Variants in MACROD2 observed in about 807,000 individuals in gnomAD.
The protein encoded by MACROD2 is ADP-ribose glycohydrolase MACROD2.
In MACROD2, 36 loss-of-function variants were observed where a neutral mutation model predicts 70.4. That is an observed-to-expected ratio of 0.51 (90% CI 0.39 to 0.68). The LOEUF is 0.68. Ranked by LOEUF, MACROD2 falls within the 30% of genes least tolerant of loss-of-function variation. The probability of loss-of-function intolerance (pLI) is 0.00; values close to 1 mark genes in which losing one functional copy is unlikely to be tolerated. For missense variants in MACROD2, 496 were observed against 538.4 expected (o/e 0.92, Z 0.78); for synonymous variants, 172 against 178.8 (o/e 0.96, Z 0.30).
intron 5 of MACROD2, among the ~76,000 whole-genome samples, chr20:14,994,394 A>T (rs1431619201): frequency 6.6e-6 from 1 of 151,626 alleles, no homozygotes; most frequent in Non-Finnish European, 1.5e-5. Context: ...AACGTTCTTG[A>T]TCTCTCTTCC....
intron 5 of MACROD2, among the ~76,000 whole-genome samples, chr20:14,945,918 A>G (rs2074427831): frequency 6.6e-6 from 1 of 152,204 alleles, no homozygotes; most frequent in Non-Finnish European, 1.5e-5. Flanking sequence ...AGAATTTCAT[A>G]TAATGCAGGC....
chr20:14,503,480 C>T (rs1455913121), intron 4 of MACROD2, among the ~76,000 whole-genome samples: 2 of 152,094 alleles, frequency 1.3e-5, no homozygotes, highest in African/African-American at 4.8e-5. Flanking sequence ...GAGAGTGGGG[C>T]TGAATGGAGC....
intron 8 of MACROD2, among the ~76,000 whole-genome samples, chr20:15,568,384 G>A (rs1233823961): frequency 6.6e-6 from 1 of 152,124 alleles, no homozygotes; most frequent in Non-Finnish European, 1.5e-5. Context: ...ACAAACTCAC[G>A]TGGAATGTTC....
intron 8 of MACROD2, among the ~76,000 whole-genome samples, chr20:15,658,173 C>T (rs1285381554): frequency 6.6e-6 from 1 of 150,418 alleles, no homozygotes; most frequent in Non-Finnish European, 1.5e-5. Flanking sequence ...CTTGAAAACG[C>T]TTTTTTAAAA....
intron 8 of MACROD2, among the ~76,000 whole-genome samples, chr20:15,791,666 T>C (rs1180623134): frequency 2.6e-5 from 4 of 151,924 alleles, no homozygotes; most frequent in African/African-American, 9.7e-5. Flanking sequence ...ATGGGAGAAA[T>C]AATCCATTTA....
chr20:15,893,998 G>A (rs1244858721), intron 10 of MACROD2: 1 of 449,190 alleles, frequency 2.2e-6, no homozygotes, highest in Non-Finnish European at 4.5e-6. Context: ...GGGCTCTAGG[G>A]TCTCGCTTTC....
At chr20:14,640,756 A>G (rs1985045810) in intron 4 of MACROD2, among the ~76,000 whole-genome samples, 1 of 152,250 alleles carries the variant, frequency 6.6e-6, no homozygotes, top group African/African-American at 2.4e-5. Context: ...TAATAGCATT[A>G]TGTCTAGAAA....
At chr20:14,701,345 A>G (rs2071194113) in intron 5 of MACROD2, among the ~76,000 whole-genome samples, 1 of 152,174 alleles carries the variant, frequency 6.6e-6, no homozygotes, top group Non-Finnish European at 1.5e-5. Context: ...CTAAACTGAA[A>G]GCTTTTGAAA....
chr20:14,474,191 G>A (rs1317093796), intron 3 of MACROD2, among the ~76,000 whole-genome samples: 1 of 151,706 alleles, frequency 6.6e-6, no homozygotes, highest in Non-Finnish European at 1.5e-5. Context: ...AATCCAATTT[G>A]TCTGTTTTTA....
chr20:15,636,044 C>G (rs2049358849), intron 8 of MACROD2, among the ~76,000 whole-genome samples: 2 of 121,542 alleles, frequency 1.6e-5, no homozygotes, highest in South Asian at 5.7e-4. Flanking sequence ...CTCCATCCAG[C>G]CTGGGCGACA....
intron 2 of MACROD2, among the ~76,000 whole-genome samples, chr20:14,079,323 A>G (rs1278002916): frequency 6.6e-6 from 1 of 152,238 alleles, no homozygotes; most frequent in Non-Finnish European, 1.5e-5. Context: ...TTCTGCAGCT[A>G]GTAGAGAAGC....
intron 5 of MACROD2, among the ~76,000 whole-genome samples, chr20:15,060,124 T>G (rs1298145884): frequency 1.3e-5 from 2 of 152,214 alleles, no homozygotes; most frequent in African/African-American, 2.4e-5. Flanking sequence ...GGAAGGAGAT[T>G]GCTAGCCTTG....
In MACROD2 at chr20:15,737,968, G is replaced by C. The variant is rs183774102; in HGVS notation, c.646-124777G>C. ...AAACAAAACACAGGTAGACAGACAG[G>C]TAAATATATAGATTAAAAGAGAGCT... On this transcript the variant is annotated intron_variant, in intron 8 of 17. Coordinates refer to ENST00000684519, the MANE Select transcript of MACROD2 (RefSeq NM_001351661.2). Among the ~76,000 whole-genome samples the C allele has an allele frequency of 2.2e-3, 339 of 152,168 alleles. 1 individual carries two copies. Among genetic ancestry groups the C allele is most frequent in the African/African-American group, 7.5e-3 (313 of 41,512 alleles).
chr20:14,900,989 A>G (rs1023409423), intron 5 of MACROD2, among the ~76,000 whole-genome samples: 1 of 152,114 alleles, frequency 6.6e-6, no homozygotes, highest in African/African-American at 2.4e-5. Flanking sequence ...TCAATGTAAT[A>G]GCAACTATTT....
At position 16,050,182 on chromosome 20, in the gene MACROD2, A is replaced by AAC. The variant is rs1182786523; in HGVS notation, c.*309_*310dup. Reference sequence around the variant, plus strand: ...CCCCAGGGTCACAGTGGCTTGATTGAACACTCACATGTGTATCCTGGCCCC... The same window carrying AAC: ...CCCCAGGGTCACAGTGGCTTGATTGAACACACTCACATGTGTATCCTGGCCCC... On this transcript the variant is annotated 3_prime_UTR_variant, in exon 18 of 18. Transcript: ENST00000684519. The AAC allele has an allele frequency of 3.7e-6, 1 of 271,482 alleles. No homozygotes were observed. The highest frequency in any genetic ancestry group is 7.1e-6 in the Non-Finnish European group (1 of 139,920). The allele number at this position is 271,482 out of a possible 1,614,324, so 16.8% of individuals were successfully genotyped here. A position where few individuals can be genotyped will look rare whatever the true frequency, so the allele number is the denominator to read the frequency against.
chr20:15,421,217 A>C (rs570583450), intron 6 of MACROD2, among the ~76,000 whole-genome samples: 35 of 152,180 alleles, frequency 2.3e-4, no homozygotes, highest in African/African-American at 8.4e-4. Flanking sequence ...GTTTCTACAA[A>C]ACATGCAAAA....
intron 8 of MACROD2, among the ~76,000 whole-genome samples, chr20:15,734,663 A>C (rs2050994528): frequency 6.6e-6 from 1 of 152,194 alleles, no homozygotes; most frequent in African/African-American, 2.4e-5. Flanking sequence ...ATCTTCAACA[A>C]GATGCCTTTT....
chr20:14,619,677 A>G (rs1434241972), intron 4 of MACROD2, among the ~76,000 whole-genome samples: 2 of 152,040 alleles, frequency 1.3e-5, no homozygotes, highest in Admixed American at 1.3e-4. Context: ...TTTGGAGCTT[A>G]TTGATAATGA....
At chr20:15,630,561 C>T (rs8123313) in intron 8 of MACROD2, among the ~76,000 whole-genome samples, 4,549 of 152,166 alleles carry the variant, frequency 0.03, 228 homozygotes, top group African/African-American at 0.1. Flanking sequence ...TAGCACAGGA[C>T]GGGAGAAATG....
Sources: gnomAD v4.1 joint callset for allele counts (sites outside exome capture counted in the v4.1 genomes callset) on GRCh38, gnomAD v4.1.1 for gene constraint, MANE v1.5 for transcripts, NCBI Gene and HGNC (gene_info 2026-07-23, HGNC 2026-07-21) for gene names.